MKX: variants seen among roughly 807,000 people sequenced by gnomAD.
The protein encoded by MKX is mohawk homeobox, also known as homeobox protein Mohawk.
MKX carries 13 observed loss-of-function variants against 36.0 expected under a neutral mutation model. That is an observed-to-expected ratio of 0.36 (90% confidence interval 0.24 to 0.57). The LOEUF (loss-of-function observed/expected upper bound fraction) is 0.57, where lower values mean the gene tolerates loss of function less well. Among genes scored for constraint, MKX ranks in the 20% least tolerant of loss-of-function variants. The pLI is 0.79. For synonymous variants in MKX, 176 were observed against 178.3 expected (o/e 0.99, Z 0.10); for missense variants, 458 against 456.4 (o/e 1.00, Z -0.03).
intron 5 of MKX, among the ~76,000 whole-genome samples, chr10:27,687,562 C>G (rs1040460296): frequency 6.6e-5 from 10 of 152,170 alleles, no homozygotes; most frequent in Non-Finnish European, 1.3e-4. Context: ...ATGCACAGCT[C>G]TTCTGGCCTC....
At chr10:27,721,364 T>C (rs1248919980) in intron 5 of MKX, among the ~76,000 whole-genome samples, 1 of 152,048 alleles carries the variant, frequency 6.6e-6, no homozygotes, top group Non-Finnish European at 1.5e-5. Flanking sequence ...AGGAAACACA[T>C]GGAACCAACC....
rs1358163803 is a variant in MKX at position 27,741,633 on chromosome 10, G to A, written c.189-129C>T. 1.0e-5 allele frequency: 11 copies of A among 1,097,000 alleles called. No individual in the cohort carries two copies. The highest frequency in any genetic ancestry group is 9.6e-5 in the African/African-American group (6 of 62,502). The allele number at this position is 1,097,000 out of a possible 1,614,324, so 68.0% of individuals were successfully genotyped here. A position where few individuals can be genotyped will look rare whatever the true frequency, so the allele number is the denominator to read the frequency against. On this transcript the variant is annotated intron_variant, in intron 2 of 6. Transcript: ENST00000419761. The surrounding 1 kb of genome is among the most constrained non-coding windows in gnomAD (Gnocchi z 5.1). ...CCTGCCTTGCGCCCCTGCTTTGCGC[G>A]CGCCCAGAGTGTTTGGGAGAGGCAG...
chr10:27,709,266 T>A (rs1836812156), intron 5 of MKX, among the ~76,000 whole-genome samples: 1 of 152,162 alleles, frequency 6.6e-6, no homozygotes. Flanking sequence ...AAATAGCAAC[T>A]ATTTCCATAG....
At chr10:27,731,984 ATT>A (rs1411744376) in intron 5 of MKX, among the ~76,000 whole-genome samples, 1 of 53,130 alleles carries the variant, frequency 1.9e-5, no homozygotes, top group Admixed American at 2.1e-4. Flanking sequence ...AAATTAATGT[ATT>A]TGTCATTTTT....
Position 27,735,390 on chromosome 10 carries a change from T to G in MKX, c.349-16A>C. On this transcript the variant is annotated splice_polypyrimidine_tract_variant and intron_variant, in intron 3 of 6. Coordinates refer to ENST00000419761, the MANE Select transcript of MKX (RefSeq NM_173576.3). ...AATTTGACACCTAAAACAGTATTAT[T>G]TTTCAATTAACAAAACTTAAAAACA... 6.3e-7 allele frequency: 1 copy of G among 1,596,714 alleles called. No individual in the cohort carries two copies. The highest frequency in any genetic ancestry group is 8.5e-7 in the Non-Finnish European group (1 of 1,173,522).
intron 5 of MKX, among the ~76,000 whole-genome samples, chr10:27,707,853 TA>T (rs1229050541): frequency 1.3e-5 from 2 of 152,264 alleles, no homozygotes; most frequent in African/African-American, 4.8e-5. Flanking sequence ...CATATTTTTC[TA>T]AATGGAAGCT....
intron 5 of MKX, among the ~76,000 whole-genome samples, chr10:27,683,037 G>T (rs138978181): frequency 1.6e-4 from 25 of 152,090 alleles, no homozygotes; most frequent in African/African-American, 6.0e-4. Context: ...AACTACATGC[G>T]CAGTTCACAA....
intron 5 of MKX, among the ~76,000 whole-genome samples, chr10:27,723,424 T>C (rs1834422149): frequency 6.6e-6 from 1 of 152,150 alleles, no homozygotes; most frequent in Non-Finnish European, 1.5e-5. Flanking sequence ...GAAGAAAATA[T>C]GGCAAGATCA....
rs1280375147 is a variant in MKX at position 27,673,799 on chromosome 10, T to C, written c.*1430A>G. On this transcript the variant is annotated 3_prime_UTR_variant, in exon 7 of 7. Coordinates refer to ENST00000419761, the MANE Select transcript of MKX (RefSeq NM_173576.3). ...GAGCAGCCTTTGGTTTTAAAAGCAT[T>C]TTGCAAAATAAAGAAAAATGTCACC... 6.6e-6 allele frequency: 1 copy of C among 152,422 alleles called. No individual in the cohort carries two copies. The highest frequency in any genetic ancestry group is 1.5e-5 in the Non-Finnish European group (1 of 67,984). 9.4% of individuals were successfully genotyped at this position (152,422 alleles called of 1,614,324 possible). A position where few individuals can be genotyped will look rare whatever the true frequency, so the allele number is the denominator to read the frequency against.
At chr10:27,716,436 C>CAA (rs56913373) in intron 5 of MKX, among the ~76,000 whole-genome samples, 83,963 of 127,380 alleles carry the variant, frequency 0.66, 29,438 homozygotes, top group Non-Finnish European at 0.79. Context: ...AAAAAAAAAG[C>CAA]AAAAAAAAAA....
chr10:27,703,767 G>T lies in MKX; in HGVS notation c.839-28213C>A, dbSNP rs1366041377. 2.0e-5 allele frequency among the ~76,000 whole-genome samples: 3 copies of T among 152,020 alleles called. No individual in the cohort carries two copies. The East Asian group carries it at 5.8e-4, about 29-fold the overall frequency. On this transcript the variant is annotated intron_variant, in intron 5 of 6. Coordinates refer to ENST00000419761, the MANE Select transcript of MKX (RefSeq NM_173576.3). ...ATACAAAAATTATCCAGGCATGGTG[G>T]CGTGCACCTATAATCCCAACTACTC... is the stretch of plus-strand genomic sequence containing the variant.
At chr10:27,704,988 A>G (rs906501844) in intron 5 of MKX, among the ~76,000 whole-genome samples, 1 of 152,206 alleles carries the variant, frequency 6.6e-6, no homozygotes, top group East Asian at 1.9e-4. Flanking sequence ...GTTCAAATTA[A>G]TAAAACATTA....
At chr10:27,701,348 G>T (rs1321817093) in intron 5 of MKX, among the ~76,000 whole-genome samples, 1 of 139,438 alleles carries the variant, frequency 7.2e-6, no homozygotes, top group Non-Finnish European at 1.5e-5. Flanking sequence ...TTTGAGCTTT[G>T]AGAGTCACAA....
intron 4 of MKX, 22 bp from the exon 5 acceptor site, chr10:27,734,813 A>G (rs1834716345): frequency 6.4e-7 from 1 of 1,571,918 alleles, no homozygotes; most frequent in South Asian, 1.2e-5. Flanking sequence ...CAGTATCACT[A>G]AGTAGGGTGG....
At chr10:27,681,528 A>C (rs1836254695) in intron 5 of MKX, among the ~76,000 whole-genome samples, 1 of 152,214 alleles carries the variant, frequency 6.6e-6, no homozygotes, top group East Asian at 1.9e-4. Context: ...TATACAGTAC[A>C]TAATACTTGA....
intron 5 of MKX, among the ~76,000 whole-genome samples, chr10:27,691,517 C>G (rs76923323): frequency 1.3e-5 from 2 of 152,104 alleles, no homozygotes; most frequent in East Asian, 3.8e-4. Flanking sequence ...AGCCATCTTA[C>G]GCCTGTATCG....
At chr10:27,712,821 T>C (rs1339767646) in intron 5 of MKX, among the ~76,000 whole-genome samples, 1 of 152,106 alleles carries the variant, frequency 6.6e-6, no homozygotes, top group Admixed American at 6.5e-5. Context: ...CCTGTGGTCC[T>C]AGCTACTAGA....
chr10:27,696,992 A>G (rs1250097643), intron 5 of MKX, among the ~76,000 whole-genome samples: 1 of 152,258 alleles, frequency 6.6e-6, no homozygotes, highest in Non-Finnish European at 1.5e-5. Context: ...TTCACAAAGT[A>G]ACCACGTGTT....
chr10:27,687,313 C>A (rs1196437167), intron 5 of MKX, among the ~76,000 whole-genome samples: 2 of 152,208 alleles, frequency 1.3e-5, no homozygotes, highest in Non-Finnish European at 2.9e-5. Context: ...CCACACTTCT[C>A]TATTTTGAAC....
Sources: allele counts gnomAD v4.1 joint callset (sites outside exome capture counted in the v4.1 genomes callset), GRCh38; gene constraint gnomAD v4.1.1; non-coding constraint Gnocchi (gnomAD v3.1); transcripts MANE v1.5; gene names NCBI Gene and HGNC (gene_info 2026-07-23, HGNC 2026-07-21).